Variants in AMZ2 observed in about 807,000 individuals in gnomAD.
AMZ2 encodes the protein archaelysin family metallopeptidase 2.
AMZ2 carries 26 observed loss-of-function variants against 36.7 expected under a neutral mutation model. The ratio of observed to expected loss-of-function variants is 0.71; its 90% CI spans 0.52 to 0.98. AMZ2 has a LOEUF of 0.98. AMZ2 is among the 50% of genes least tolerant of loss of function. AMZ2 has a pLI of 0.00. For missense variants in AMZ2, 394 were observed against 430.5 expected, an observed-to-expected ratio of 0.92 and a Z score of 0.75; for synonymous variants, 144 against 149.1, an observed-to-expected ratio of 0.97 and a Z score of 0.25.
At chr17:68,246,598 T>G (rs562224557), upstream of AMZ2, 3 of 152,258 alleles carry the variant, frequency 2.0e-5, no homozygotes, top group Non-Finnish European at 2.9e-5. Context: ...GCATCGGTAT[T>G]CTCAACTTCA....
At chr17:68,247,986 C>T (rs1295294175), upstream of AMZ2, 2 of 985,526 alleles carry the variant, frequency 2.0e-6, no homozygotes, top group Non-Finnish European at 2.4e-6. Flanking sequence ...GCGTGCGCGA[C>T]GCAGCGGCGC....
At chr17:68,213,185 C>T (rs1555726477) in intron 1 of AMZ2, among the ~76,000 whole-genome samples, 1 of 152,186 alleles carries the variant, frequency 6.6e-6, no homozygotes, top group Non-Finnish European at 1.5e-5. Context: ...ATTGCGGCTG[C>T]AAGCTGCATT....
At chr17:68,231,800 G>C (rs1230152425) in intron 1 of AMZ2, among the ~76,000 whole-genome samples, 2 of 152,218 alleles carry the variant, frequency 1.3e-5, no homozygotes, top group African/African-American at 4.8e-5. Context: ...TTCCCTTGGA[G>C]AGAGGGTGGT....
chr17:68,209,088 TGTC>T (rs1183142580), intron 1 of AMZ2, among the ~76,000 whole-genome samples: 1 of 152,220 alleles, frequency 6.6e-6, no homozygotes, highest in Admixed American at 6.5e-5. Flanking sequence ...TTGCCAGACT[TGTC>T]CGGGGAGGCT....
Position 68,250,398 on chromosome 17 carries a change from G to C in AMZ2, c.211G>C (p.Glu71Gln), listed in dbSNP as rs1555738739. ...TSHPEAPQDF[E>Q]QFFSDPYRKT... ...CCACCCTGAGGCTCCCCAAGACTTT[G>C]AACAGTTCTTCAGTGATCCTTACAG... The change falls in exon 2 of 7, where the codon GAA (glutamate) becomes CAA (glutamine). Residue 71 changes from glutamate to glutamine, a missense_variant. By Grantham distance (29) the Glu-to-Gln change is conservative (BLOSUM62 2). Transcript: ENST00000359904. The C allele has an allele frequency of 1.2e-6, 2 of 1,614,014 alleles. No individual in the cohort carries two copies. Among genetic ancestry groups the C allele is most frequent in the Non-Finnish European group, 1.7e-6 (2 of 1,180,028 alleles).
intron 1 of AMZ2, 183 bp downstream of exon 1, chr17:68,248,888 C>A: frequency 1.5e-6 from 1 of 661,542 alleles, no homozygotes; most frequent in Non-Finnish European, 2.0e-6. Flanking sequence ...TCAATCAGAA[C>A]AGACATTAGC....
chr17:68,207,829 C>T (rs1215899920), intron 1 of AMZ2, among the ~76,000 whole-genome samples: 1 of 150,080 alleles, frequency 6.7e-6, no homozygotes, highest in Non-Finnish European at 1.5e-5. Flanking sequence ...CTGGAGCCGG[C>T]TCCCTCAGCT....
intron 1 of AMZ2, among the ~76,000 whole-genome samples, chr17:68,211,820 G>GTATATATGTATATGTATGTATATGTATA (rs1176516792): frequency 8.7e-5 from 11 of 126,166 alleles, no homozygotes; most frequent in Admixed American, 3.2e-4. Context: ...ATATGTATGT[G>GTATATATGTATATGTATGTATATGTATA]TATGTATATG....
At chr17:68,216,773 G>A (rs1365123813) in intron 1 of AMZ2, among the ~76,000 whole-genome samples, 1 of 152,184 alleles carries the variant, frequency 6.6e-6, no homozygotes, top group Non-Finnish European at 1.5e-5. Context: ...GCTCACGCCT[G>A]TAATCCCAGC....
Position 68,235,647 on chromosome 17 carries a change from A to G in AMZ2, c.-66-12993A>G, listed in dbSNP as rs548981699. Among the ~76,000 whole-genome samples the G allele has an allele frequency of 3.9e-5, 6 of 152,230 alleles. No individual in the cohort carries two copies. The South Asian group carries it at 1.3e-3, about 32-fold the overall frequency. ...GCTGACTGGGCAGCCCAGAGAGAAC[A>G]GTGACCCAGAAAAGCAAGAGGAGAG... On this transcript the variant is annotated intron_variant, in intron 1 of 7. Transcript: ENST00000674770. The surrounding 1 kb of genome is among the most constrained non-coding windows in gnomAD (Gnocchi z 4.2).
chr17:68,214,294 G>C (rs1385432954), intron 1 of AMZ2, among the ~76,000 whole-genome samples: 2 of 152,088 alleles, frequency 1.3e-5, no homozygotes, highest in Admixed American at 1.3e-4. Flanking sequence ...GTCTGTCCTC[G>C]AGAGTAAGCT....
chr17:68,213,396 A>C (rs1555726519), intron 1 of AMZ2, among the ~76,000 whole-genome samples: 1 of 152,238 alleles, frequency 6.6e-6, no homozygotes, highest in African/African-American at 2.4e-5. Flanking sequence ...TCAGCTTCTG[A>C]AGTCTTCAAA....
At chr17:68,249,100 A>G (rs2074246160) in intron 1 of AMZ2, 2 of 1,187,070 alleles carry the variant, frequency 1.7e-6, no homozygotes, top group East Asian at 3.5e-5. Flanking sequence ...TGTCATTGTG[A>G]GGCTGGCTTT....
chr17:68,225,403 G>A (rs1555729637), intron 1 of AMZ2, among the ~76,000 whole-genome samples: 2 of 152,104 alleles, frequency 1.3e-5, no homozygotes, highest in Non-Finnish European at 2.9e-5. Flanking sequence ...CGTGTGGTTG[G>A]CTGAGCACCA....
chr17:68,217,282 T>C (rs2073223708), intron 1 of AMZ2, among the ~76,000 whole-genome samples: 1 of 152,184 alleles, frequency 6.6e-6, no homozygotes, highest in South Asian at 2.1e-4. Flanking sequence ...AAATATTCTG[T>C]TTTTCTTAGT....
Position 68,257,003 on chromosome 17 carries a change from C to T in AMZ2, c.*34C>T, listed in dbSNP as rs2074960227. Reference sequence around the variant, plus strand: ...AAATAGGAGTGATTGAAATAAATAACTACTTGCATGTTATGCTTTCATTTG... The same window carrying T: ...AAATAGGAGTGATTGAAATAAATAATTACTTGCATGTTATGCTTTCATTTG... On this transcript the variant is annotated 3_prime_UTR_variant, in exon 7 of 7. Transcript: ENST00000359904. 2 of 1,600,296 alleles carry T rather than the reference C, an allele frequency of 1.2e-6. No individual in the cohort carries two copies. Among genetic ancestry groups the T allele is most frequent in the Non-Finnish European group, 1.7e-6 (2 of 1,172,208 alleles).
At chr17:68,213,003 C>A (rs1215033720) in intron 1 of AMZ2, among the ~76,000 whole-genome samples, 1 of 152,150 alleles carries the variant, frequency 6.6e-6, no homozygotes, top group South Asian at 2.1e-4. Context: ...CAATTCATTA[C>A]CATTAAAAAT....
At chr17:68,246,301 T>G (rs3760272), upstream of AMZ2, among the ~76,000 whole-genome samples, 33,183 of 150,636 alleles carry the variant, frequency 0.22, 4,118 homozygotes, top group East Asian at 0.41. Flanking sequence ...CCAGGAAGCA[T>G]AAGTTGCAGT....
intron 1 of AMZ2, among the ~76,000 whole-genome samples, chr17:68,208,019 C>T (rs2072895117): frequency 6.6e-6 from 1 of 152,162 alleles, no homozygotes; most frequent in African/African-American, 2.4e-5. Flanking sequence ...CTGCTGTGCT[C>T]AATTTCTCGC....
Sources: gnomAD v4.1 joint callset for allele counts (sites outside exome capture counted in the v4.1 genomes callset) on GRCh38, gnomAD v4.1.1 for gene constraint, Gnocchi (gnomAD v3.1) non-coding constraint, MANE v1.5 for transcripts, NCBI Gene and HGNC (gene_info 2026-07-23, HGNC 2026-07-21) for gene names.